Variants in IER5L observed in about 807,000 individuals in gnomAD.
IER5L encodes the protein immediate early response 5 like.
Under a neutral mutation model 28.3 loss-of-function variants are expected in IER5L, and 6 were observed. The ratio of observed to expected loss-of-function variants is 0.21; its 90% CI spans 0.12 to 0.42. IER5L has a LOEUF of 0.42. Ranked by LOEUF, IER5L falls within the 10% of genes least tolerant of loss-of-function variation. The pLI is 1.00. For synonymous variants in IER5L, 351 were observed against 282.5 expected, an observed-to-expected ratio of 1.24 and a Z score of -2.43; for missense variants, 607 against 575.2, an observed-to-expected ratio of 1.06 and a Z score of -0.56.
chr9:129,176,813 C>A lies in IER5L; in HGVS notation c.*25G>T. 2 of 1,526,734 alleles carry A rather than the reference C, an allele frequency of 1.3e-6. No individual in the cohort carries two copies. The highest frequency in any genetic ancestry group is 2.5e-5 in the South Asian group (2 of 80,696). 94.6% of individuals were successfully genotyped at this position (1,526,734 alleles called of 1,614,324 possible). A position where few individuals can be genotyped will look rare whatever the true frequency, so the allele number is the denominator to read the frequency against. ...GTCTGGCCCCAGCCCCGCGGGGCCC[C>A]GGGTCCCTGTGCCCTCGGGGGTCCC... On this transcript the variant is annotated 3_prime_UTR_variant, in exon 1 of 1. Coordinates refer to ENST00000372491, the MANE Select transcript of IER5L (RefSeq NM_203434.3).
chr9:129,178,254 C>G lies in IER5L; in HGVS notation c.-202G>C. On this transcript the variant is annotated 5_prime_UTR_variant, in exon 1 of 1. Coordinates refer to ENST00000372491, the MANE Select transcript of IER5L (RefSeq NM_203434.3). ...TCGCGCTCCCCAGACGGCGCCAAAGCAATGAGTCTCGGCCGGCCCCGGCCC... is the reference window on the plus strand; with the variant it reads ...TCGCGCTCCCCAGACGGCGCCAAAGGAATGAGTCTCGGCCGGCCCCGGCCC... 1 of 436,476 alleles carries G rather than the reference C, an allele frequency of 2.3e-6. No individual in the cohort carries two copies. Among genetic ancestry groups the G allele is most frequent in the South Asian group, 6.4e-5 (1 of 15,620 alleles). The allele number at this position is 436,476 out of a possible 1,614,324, so 27.0% of individuals were successfully genotyped here.
rs774228318 is a variant in IER5L at position 129,177,094 on chromosome 9, C to T, written c.959G>A (p.Gly320Glu). The T allele has an allele frequency of 1.4e-4, 203 of 1,459,726 alleles. No individual in the cohort carries two copies. The highest frequency in any genetic ancestry group is 1.8e-4 in the Non-Finnish European group (200 of 1,107,536). The allele number at this position is 1,459,726 out of a possible 1,614,324, so 90.4% of individuals were successfully genotyped here. Reference protein sequence around the residue: ...EEEDDEEDAGGLGAEPPGGAP... With the variant: ...EEEDDEEDAGELGAEPPGGAP... The stretch of plus-strand genomic sequence containing the variant: ...GCCCCCGGGGGGCTCGGCCCCCAGC[C>T]CGCCCGCATCCTCCTCGTCGTCTTC... Residue 320 changes from glycine (G) to glutamate (E), a missense_variant, in exon 1 of 1, where the codon GGG becomes GAG. Gly to Glu is a moderately conservative substitution (Grantham distance 98, BLOSUM62 -2). Transcript: ENST00000372491.
In IER5L at chr9:129,176,870, C is replaced by T. The variant is rs1829410859; in HGVS notation, c.1183G>A (p.Gly395Ser). ...LCAKQALASL[G>S]AWTRAIVAF ...GCGACAATGGCTCGAGTCCAGGCGC[C>T]GAGGCTGGCGAGCGCCTGCTTGGCG... Residue 395 changes from glycine (G) to serine (S), a missense_variant, in exon 1 of 1, where the codon GGC becomes AGC. Gly to Ser is a moderately conservative substitution (Grantham distance 56). Transcript: ENST00000372491. 2 of 1,597,564 alleles carry T rather than the reference C, an allele frequency of 1.3e-6. No homozygotes were observed. Among genetic ancestry groups the T allele is most frequent in the Non-Finnish European group, 1.7e-6 (2 of 1,173,810 alleles).
rs1038426632 is a variant in IER5L at position 129,176,583 on chromosome 9, G to GA, written c.*254dup. On this transcript the variant is annotated 3_prime_UTR_variant, in exon 1 of 1. Transcript: ENST00000372491. ...ACCACTGCAATCACTACAATAAAAAGAAAAAAAGGAGTAGGAGAAACACAA... is the reference window on the plus strand; with the variant it reads ...ACCACTGCAATCACTACAATAAAAAGAAAAAAAAGGAGTAGGAGAAACACAA... 8.5e-6 allele frequency: 3 copies of GA among 351,546 alleles called. No individual in the cohort carries two copies. The highest frequency in any genetic ancestry group is 1.6e-3 in the Middle Eastern group (2 of 1,280). 21.8% of individuals were successfully genotyped at this position (351,546 alleles called of 1,614,324 possible).
rs1264661936 is a variant in IER5L, at chr9:129,176,696, ACAT to A, written c.*139_*141del. 8 of 1,057,698 alleles carry A rather than the reference ACAT, an allele frequency of 7.6e-6. No individual in the cohort carries two copies. Among genetic ancestry groups the A allele is most frequent in the Admixed American group, 4.0e-5 (1 of 25,312 alleles). 65.5% of individuals were successfully genotyped at this position (1,057,698 alleles called of 1,614,324 possible). On this transcript the variant is annotated 3_prime_UTR_variant, in exon 1 of 1. Coordinates refer to ENST00000372491, the MANE Select transcript of IER5L (RefSeq NM_203434.3). ...TTTTTTTTATTTTACAATTTATAAA[ACAT>A]CAGCCGCCTGCCCCCGCTCGCCCCC...
chr9:129,177,112 T>C lies in IER5L; in HGVS notation c.941A>G (p.Asp314Gly). 5 of 1,459,774 alleles carry C rather than the reference T, an allele frequency of 3.4e-6. No homozygotes were observed. The highest frequency in any genetic ancestry group is 4.5e-6 in the Non-Finnish European group (5 of 1,107,880). The allele number at this position is 1,459,774 out of a possible 1,614,324, so 90.4% of individuals were successfully genotyped here. The change falls in exon 1 of 1, where the codon GAC becomes GGC. Residue 314 changes from aspartate to glycine, a missense_variant. Asp to Gly is a moderately conservative substitution (Grantham distance 94). Transcript: ENST00000372491. ...CCCCAGCCCGCCCGCATCCTCCTCG[T>C]CGTCTTCCTCCTCCTCCTGGCCAGG... ...YYPGQEEEED[D>G]EEDAGGLGAE...
rs1375930193 is a variant in IER5L, at chr9:129,177,731, G to A, written c.322C>T (p.Arg108Trp). ...GDAEAREPAA[R>W]HQLHQLHQLH... The stretch of plus-strand genomic sequence containing the variant: ...TGGTGGAGCTGGTGCAGCTGGTGCC[G>A]GGCGGCCGGCTCGCGCGCCTCCGCG... Residue 108 changes from arginine (R) to tryptophan (W), a missense_variant, in exon 1 of 1, where the codon CGG (arginine) becomes TGG (tryptophan). Physicochemically the swap from Arg to Trp is moderately radical, Grantham distance 101 (BLOSUM62 -3). Coordinates refer to ENST00000372491, the MANE Select transcript of IER5L (RefSeq NM_203434.3). 2.8e-6 allele frequency: 4 copies of A among 1,445,036 alleles called. No homozygotes were observed. The highest frequency in any genetic ancestry group is 2.7e-6 in the Non-Finnish European group (3 of 1,103,834). The allele number at this position is 1,445,036 out of a possible 1,614,324, so 89.5% of individuals were successfully genotyped here. A position where few individuals can be genotyped will look rare whatever the true frequency, so the allele number is the denominator to read the frequency against.
rs780788494 is a variant in IER5L at position 129,176,982 on chromosome 9, G to A, written c.1071C>T (p.Ile357=). The A allele has an allele frequency of 1.9e-5, 30 of 1,602,168 alleles. No individual in the cohort carries two copies. Among genetic ancestry groups the A allele is most frequent in the Middle Eastern group, 3.3e-4 (2 of 6,046 alleles). ...SPDASNISNL[I]SIFGSGFSGL... ...CCGAGAAGCCGGAGCCAAAGATGGA[G>A]ATCAAGTTTGAGATGTTGGACGCGT... The change falls in exon 1 of 1, where the codon ATC becomes ATT. Residue 357 remains isoleucine, a synonymous_variant. Coordinates refer to ENST00000372491, the MANE Select transcript of IER5L (RefSeq NM_203434.3).
At position 129,175,910 on chromosome 9, in the gene IER5L, G is replaced by C. The variant is rs1829386256; in HGVS notation, c.*928C>G. ...CACACACAAACACCACAGCTGACCA[G>C]GAACTTAGTGCAAAGTCTCCAACGC... On this transcript the variant is annotated 3_prime_UTR_variant, in exon 1 of 1. Transcript: ENST00000372491. The surrounding 1 kb of genome is among the most constrained non-coding windows in gnomAD (Gnocchi z 5.2). The C allele has an allele frequency of 6.6e-6, 1 of 152,242 alleles. No individual in the cohort carries two copies. Among genetic ancestry groups the C allele is most frequent in the Non-Finnish European group, 1.5e-5 (1 of 68,072 alleles). The allele number at this position is 152,242 out of a possible 1,614,324, so 9.4% of individuals were successfully genotyped here. A position where few individuals can be genotyped will look rare whatever the true frequency, so the allele number is the denominator to read the frequency against.
rs1385412143 is a variant in IER5L at position 129,177,493 on chromosome 9, A to G, written c.560T>C (p.Leu187Pro). Residue 187 changes from leucine to proline, a missense_variant, in exon 1 of 1, where the codon CTG (leucine) becomes CCG (proline). Leu to Pro is a moderately conservative substitution (Grantham distance 98, BLOSUM62 -3). Coordinates refer to ENST00000372491, the MANE Select transcript of IER5L (RefSeq NM_203434.3). ...PLQPGPAPLP[L>P]PLPPPAPAAL... The stretch of plus-strand genomic sequence containing the variant: ...AGCGGGCGCGGGCGGCGGCAGCGGC[A>G]GCGGCAGCGGCGCAGGACCCGGCTG... 3.0e-6 allele frequency: 3 copies of G among 985,836 alleles called. No individual in the cohort carries two copies. Among genetic ancestry groups the G allele is most frequent in the Non-Finnish European group, 3.6e-6 (3 of 831,648 alleles). The allele number at this position is 985,836 out of a possible 1,614,324, so 61.1% of individuals were successfully genotyped here.
In IER5L at chr9:129,176,186, A is replaced by T. The variant is rs1157015141; in HGVS notation, c.*652T>A. ...GGGGCGGGGAGAAGAGGGGTTCAAG[A>T]CACCCGCCCCGGGAAGAAAAGAAAA... On this transcript the variant is annotated 3_prime_UTR_variant, in exon 1 of 1. Coordinates refer to ENST00000372491, the MANE Select transcript of IER5L (RefSeq NM_203434.3). 1.3e-5 allele frequency: 2 copies of T among 151,730 alleles called. No individual in the cohort carries two copies. The highest frequency in any genetic ancestry group is 2.9e-5 in the Non-Finnish European group (2 of 67,918). 9.4% of individuals were successfully genotyped at this position (151,730 alleles called of 1,614,324 possible). A position where few individuals can be genotyped will look rare whatever the true frequency, so the allele number is the denominator to read the frequency against.
rs749998469 is a variant in IER5L at position 129,177,958 on chromosome 9, T to C, written c.95A>G (p.Lys32Arg). Reference protein sequence around the residue: ...RTQRGGIKLHKNLLVSYVLRN... With the variant: ...RTQRGGIKLHRNLLVSYVLRN... ...GAGCACGTAGGACACCAGGAGGTTC[T>C]TGTGCAGCTTGATGCCGCCGCGCTG... The change falls in exon 1 of 1, where the codon AAG becomes AGG. Residue 32 changes from lysine to arginine, a missense_variant. Lys to Arg is a conservative substitution (Grantham distance 26). Coordinates refer to ENST00000372491, the MANE Select transcript of IER5L (RefSeq NM_203434.3). 74 of 1,590,490 alleles carry C rather than the reference T, an allele frequency of 4.7e-5. No individual in the cohort carries two copies. The highest frequency in any genetic ancestry group is 2.3e-5 in the South Asian group (2 of 87,356).
At position 129,177,911 on chromosome 9, in the gene IER5L, G is replaced by C; in HGVS notation, c.142C>G (p.Leu48Val). Residue 48 changes from leucine (L) to valine (V), a missense_variant, in exon 1 of 1, where the codon CTG becomes GTG. Physicochemically the swap from Leu to Val is conservative, Grantham distance 32 (BLOSUM62 1). Transcript: ENST00000372491. Reference sequence around the variant, plus strand: ...TAGAGCTCGGCGTAGCGCTCGCTCAGGTAGAGCTGGCGCGCGTTGCGGAGC... The same window carrying C: ...TAGAGCTCGGCGTAGCGCTCGCTCACGTAGAGCTGGCGCGCGTTGCGGAGC... ...YVLRNARQLY[L>V]SERYAELYRR... 4.5e-6 allele frequency: 7 copies of C among 1,559,866 alleles called. No homozygotes were observed. Among genetic ancestry groups the C allele is most frequent in the Non-Finnish European group, 6.1e-6 (7 of 1,153,460 alleles).
chr9:129,176,666 T>A lies in IER5L; in HGVS notation c.*172A>T. On this transcript the variant is annotated 3_prime_UTR_variant, in exon 1 of 1. Transcript: ENST00000372491. The stretch of plus-strand genomic sequence containing the variant: ...AAAAATAAAGTCCAAGATTTTAGAT[T>A]TCTTTTTTTTTTATTTTACAATTTA... 1.1e-6 allele frequency: 1 copy of A among 923,586 alleles called. No individual in the cohort carries two copies. The highest frequency in any genetic ancestry group is 1.5e-6 in the Non-Finnish European group (1 of 681,790). The allele number at this position is 923,586 out of a possible 1,614,324, so 57.2% of individuals were successfully genotyped here.
chr9:129,176,801 C>G lies in IER5L; in HGVS notation c.*37G>C. On this transcript the variant is annotated 3_prime_UTR_variant, in exon 1 of 1. Transcript: ENST00000372491. ...TGCCGAGTCTTTGTCTGGCCCCAGC[C>G]CCGCGGGGCCCCGGGTCCCTGTGCC... 1 of 1,489,640 alleles carries G rather than the reference C, an allele frequency of 6.7e-7. No individual in the cohort carries two copies. The highest frequency in any genetic ancestry group is 8.9e-7 in the Non-Finnish European group (1 of 1,125,230). 92.3% of individuals were successfully genotyped at this position (1,489,640 alleles called of 1,614,324 possible).
chr9:129,177,755 C>T lies in IER5L; in HGVS notation c.298G>A (p.Ala100Thr). 6.9e-7 allele frequency: 1 copy of T among 1,454,148 alleles called. No individual in the cohort carries two copies. Among genetic ancestry groups the T allele is most frequent in the Admixed American group, 2.6e-5 (1 of 38,468 alleles). 90.1% of individuals were successfully genotyped at this position (1,454,148 alleles called of 1,614,324 possible). A position where few individuals can be genotyped will look rare whatever the true frequency, so the allele number is the denominator to read the frequency against. Residue 100 changes from alanine (A) to threonine (T), a missense_variant, in exon 1 of 1, where the codon GCG (alanine) becomes ACG (threonine). By Grantham distance (58) the Ala-to-Thr change is moderately conservative. Transcript: ENST00000372491. ...GPLQLGGGGDAEAREPAARHQ... is the reference protein window; with the variant it reads ...GPLQLGGGGDTEAREPAARHQ... Reference sequence around the variant, plus strand: ...CGGGCGGCCGGCTCGCGCGCCTCCGCGTCCCCGCCGCCGCCAAGTTGGAGC... The same window carrying T: ...CGGGCGGCCGGCTCGCGCGCCTCCGTGTCCCCGCCGCCGCCAAGTTGGAGC...
chr9:129,176,143 G>T lies in IER5L; in HGVS notation c.*695C>A, dbSNP rs1484967937. 6.6e-6 allele frequency: 1 copy of T among 151,742 alleles called. No homozygotes were observed. The highest frequency in any genetic ancestry group is 1.5e-5 in the Non-Finnish European group (1 of 67,936). 9.4% of individuals were successfully genotyped at this position (151,742 alleles called of 1,614,324 possible). A position where few individuals can be genotyped will look rare whatever the true frequency, so the allele number is the denominator to read the frequency against. On this transcript the variant is annotated 3_prime_UTR_variant, in exon 1 of 1. Transcript: ENST00000372491. ...AGTCCGGGAGACGGGTGGAGGAGGG[G>T]AGGAGAACGGAGCCAGAGGGGCGGG... is the stretch of plus-strand genomic sequence containing the variant.
Position 129,177,270 on chromosome 9 carries a change from A to G in IER5L, c.783T>C (p.Thr261=). The G allele has an allele frequency of 6.8e-7, 1 of 1,476,134 alleles. No homozygotes were observed. The highest frequency in any genetic ancestry group is 8.9e-7 in the Non-Finnish European group (1 of 1,125,264). 91.4% of individuals were successfully genotyped at this position (1,476,134 alleles called of 1,614,324 possible). Residue 261 remains threonine (T), a synonymous_variant, in exon 1 of 1, where the codon ACT becomes ACC. Transcript: ENST00000372491. ...SSQTTVLDLD[T]HVVTTVENGY... Reference sequence around the variant, plus strand: ...CGTTCTCCACCGTGGTCACCACGTGAGTGTCTAGGTCCAGCACGGTGGTCT... The same window carrying G: ...CGTTCTCCACCGTGGTCACCACGTGGGTGTCTAGGTCCAGCACGGTGGTCT...
Position 129,177,473 on chromosome 9 carries a change from G to A in IER5L, c.580C>T (p.Pro194Ser). 1.0e-6 allele frequency: 1 copy of A among 997,732 alleles called. No homozygotes were observed. The highest frequency in any genetic ancestry group is 1.2e-6 in the Non-Finnish European group (1 of 840,470). 61.8% of individuals were successfully genotyped at this position (997,732 alleles called of 1,614,324 possible). ...GGGTCCCGCGGGCAGAGCGCAGCGG[G>A]CGCGGGCGGCGGCAGCGGCAGCGGC... ...PLPLPLPPPAPAALCPRDPRA... is the reference protein window; with the variant it reads ...PLPLPLPPPASAALCPRDPRA... The change falls in exon 1 of 1, where the codon CCC (proline) becomes TCC (serine). Residue 194 changes from proline (P) to serine (S), a missense_variant. By Grantham distance (74) the Pro-to-Ser change is moderately conservative. Coordinates refer to ENST00000372491, the MANE Select transcript of IER5L (RefSeq NM_203434.3).
Sources: gnomAD v4.1 joint callset for allele counts on GRCh38, gnomAD v4.1.1 for gene constraint, Gnocchi (gnomAD v3.1) non-coding constraint, MANE v1.5 for transcripts, NCBI Gene and HGNC (gene_info 2026-07-23, HGNC 2026-07-21) for gene names.